HAT1: variants seen among roughly 807,000 people sequenced by gnomAD.
HAT1 encodes histone acetyltransferase type B catalytic subunit.
In HAT1, 20 loss-of-function variants were observed where a neutral mutation model predicts 56.6. That is an observed-to-expected ratio of 0.35 (90% CI 0.25 to 0.51). The LOEUF (loss-of-function observed/expected upper bound fraction) is 0.51. Ranked by LOEUF, HAT1 falls within the 20% of genes least tolerant of loss-of-function variation. The pLI, the probability that HAT1 is intolerant of heterozygous loss-of-function variation, is 0.95. For synonymous variants in HAT1, 146 were observed against 165.5 expected, an observed-to-expected ratio of 0.88 and a Z score of 0.91; for missense variants, 408 against 504.3, an observed-to-expected ratio of 0.81 and a Z score of 1.83.
chr2:171,928,076 G>A (rs898029741), intron 2 of HAT1, among the ~76,000 whole-genome samples: 5 of 151,664 alleles, frequency 3.3e-5, no homozygotes, highest in South Asian at 2.1e-4. Context: ...TAGTAGAGAC[G>A]GTTTCATCAT....
At chr2:171,953,626 TAAAAAAAA>T (rs587686867) in intron 4 of HAT1, among the ~76,000 whole-genome samples, 26,924 of 84,964 alleles carry the variant, frequency 0.32, 3,824 homozygotes, top group East Asian at 0.41. Context: ...CCCTGTCTCT[TAAAAAAAA>T]AAAAAAAAAA....
chr2:171,937,771 T>C, intron 2 of HAT1, among the ~76,000 whole-genome samples: 1 of 151,936 alleles, frequency 6.6e-6, no homozygotes, highest in East Asian at 1.9e-4. Context: ...AATGGAGCTG[T>C]AGGAAAAAGG....
intron 4 of HAT1, among the ~76,000 whole-genome samples, chr2:171,963,385 T>G (rs1272351797): frequency 6.6e-6 from 1 of 152,162 alleles, no homozygotes; most frequent in Non-Finnish European, 1.5e-5. Flanking sequence ...TCAACTTTGT[T>G]GGGCTCAAAC....
rs866647595 is a variant in HAT1 at position 171,977,526 on chromosome 2, T to A, written c.975+1218T>A. Among the ~76,000 whole-genome samples the A allele has an allele frequency of 2.7e-4, 5 of 18,656 alleles. 1 individual carries two copies. The South Asian group carries it at 8.9e-3, about 33-fold the overall frequency. The allele number at this position is 18,656 out of a possible 152,430, so 12.2% of individuals were successfully genotyped here. A position where few individuals can be genotyped will look rare whatever the true frequency, so the allele number is the denominator to read the frequency against. The stretch of plus-strand genomic sequence containing the variant: ...GCTTTTAAAAGAACAGGCATATGAA[T>A]ATATATATATATATATATATATATA... On this transcript the variant is annotated intron_variant, in intron 9 of 10. Coordinates refer to ENST00000264108, the MANE Select transcript of HAT1 (RefSeq NM_003642.4).
intron 7 of HAT1, 65 bp from the exon 8 acceptor site, chr2:171,966,778 G>A (rs759395141): frequency 9.5e-5 from 73 of 768,316 alleles, no homozygotes; most frequent in Non-Finnish European, 1.4e-4. Context: ...ATACTATAGT[G>A]ATCTGCAGGT....
chr2:171,945,769 A>G (rs2105318719), intron 2 of HAT1, among the ~76,000 whole-genome samples: 1 of 152,246 alleles, frequency 6.6e-6, no homozygotes, highest in Non-Finnish European at 1.5e-5. Context: ...CCTGGGCTCA[A>G]GTAGTTCTCC....
intron 2 of HAT1, 125 bp from the exon 3 acceptor site, chr2:171,946,583 C>T: frequency 1.6e-6 from 1 of 643,340 alleles, no homozygotes. Context: ...GGTGAAATGA[C>T]ACTTTTAGTA....
At position 171,940,326 on chromosome 2, in the gene HAT1, G is replaced by A. The variant is rs140126484; in HGVS notation, c.113-6382G>A. 1.1e-4 allele frequency among the ~76,000 whole-genome samples: 17 copies of A among 152,286 alleles called. No homozygotes were observed. In the East Asian group the frequency reaches 1.7e-3, roughly 16 times the overall value. ...CCTTGTTGTCAACATTGGTAGACTC[G>A]TCAACCTGGATTGTGCACCATGGTG... On this transcript the variant is annotated intron_variant, in intron 2 of 10. Coordinates refer to ENST00000264108, the MANE Select transcript of HAT1 (RefSeq NM_003642.4).
intron 3 of HAT1, among the ~76,000 whole-genome samples, chr2:171,952,001 T>C (rs1687320217): frequency 6.6e-6 from 1 of 152,234 alleles, no homozygotes; most frequent in Non-Finnish European, 1.5e-5. Flanking sequence ...ACACTGCTTC[T>C]TTCAAACACT....
chr2:171,979,196 G>C (rs375783524), intron 9 of HAT1, 51 bp from the exon 10 acceptor site: 1 of 824,148 alleles, frequency 1.2e-6, no homozygotes, highest in Non-Finnish European at 2.0e-6. Flanking sequence ...TTGGGAAAGT[G>C]TCATTATTTT....
intron 8 of HAT1, among the ~76,000 whole-genome samples, chr2:171,972,815 C>T (rs1687853398): frequency 6.6e-6 from 1 of 152,200 alleles, no homozygotes; most frequent in South Asian, 2.1e-4. Flanking sequence ...CTCTTTCTTC[C>T]TCTTGGCTTT....
intron 2 of HAT1, among the ~76,000 whole-genome samples, chr2:171,941,114 C>G (rs908858378): frequency 2.0e-5 from 3 of 152,158 alleles, no homozygotes; most frequent in Non-Finnish European, 4.4e-5. Flanking sequence ...TACAATGGAA[C>G]TACATGAACT....
Position 171,966,845 on chromosome 2 carries a change from A to G in HAT1, c.719A>G (p.Gln240Arg). 6.8e-7 allele frequency: 1 copy of G among 1,478,892 alleles called. No homozygotes were observed. The highest frequency in any genetic ancestry group is 9.4e-7 in the Non-Finnish European group (1 of 1,059,772). 91.6% of individuals were successfully genotyped at this position (1,478,892 alleles called of 1,614,324 possible). ...TTAAAATAATTTCTTTACTGTAGTCAGATGCTGATTTTGACTCCATTTCAA... is the reference window on the plus strand; with the variant it reads ...TTAAAATAATTTCTTTACTGTAGTCGGATGCTGATTTTGACTCCATTTCAA... ...YPDKTRPRVSQMLILTPFQGQ... is the reference protein window; with the variant it reads ...YPDKTRPRVSRMLILTPFQGQ... Residue 240 changes from glutamine to arginine, a missense_variant and splice_region_variant, in exon 8 of 11, where the codon CAG becomes CGG. Transcript: ENST00000264108.
At chr2:171,949,303 C>T (rs1451039113) in intron 3 of HAT1, among the ~76,000 whole-genome samples, 1 of 151,992 alleles carries the variant, frequency 6.6e-6, no homozygotes, top group Non-Finnish European at 1.5e-5. Context: ...CCTTGAATTC[C>T]CAGGCTCAAG....
intron 7 of HAT1, 157 bp downstream of exon 7, chr2:171,966,670 A>C: frequency 8.0e-6 from 5 of 625,240 alleles, no homozygotes; most frequent in Non-Finnish European, 1.4e-5. Context: ...CCTTTGAAAC[A>C]GTGTAGAAGA....
At chr2:171,938,024 TTCTCTC>T (rs374402453) in intron 2 of HAT1, among the ~76,000 whole-genome samples, 7,044 of 104,714 alleles carry the variant, frequency 0.067, 245 homozygotes, top group South Asian at 0.16. Flanking sequence ...TGTCTACTGA[TTCTCTC>T]TCTCTCTCTC....
intron 3 of HAT1, among the ~76,000 whole-genome samples, chr2:171,952,678 A>ACAACATTCCTGACTTAGG (rs1364711155): frequency 1.3e-5 from 2 of 152,212 alleles, no homozygotes; most frequent in Non-Finnish European, 1.5e-5. Context: ...TTTAACCCAA[A>ACAACATTCCTGACTTAGG]CAACATTCCT....
chr2:171,956,141 C>T (rs185493618), intron 4 of HAT1, among the ~76,000 whole-genome samples: 9 of 144,076 alleles, frequency 6.2e-5, no homozygotes, highest in African/African-American at 2.1e-4. Flanking sequence ...GATCATGCCA[C>T]TGCACTCCAG....
chr2:171,947,393 A>G (rs553547739), intron 3 of HAT1, among the ~76,000 whole-genome samples: 2 of 151,834 alleles, frequency 1.3e-5, no homozygotes, highest in East Asian at 3.9e-4. Flanking sequence ...AGCTGGGACT[A>G]CAGGCACACA....
Sources: allele counts gnomAD v4.1 joint callset (sites outside exome capture counted in the v4.1 genomes callset), GRCh38; gene constraint gnomAD v4.1.1; transcripts MANE v1.5; gene names NCBI Gene and HGNC (gene_info 2026-07-23, HGNC 2026-07-21).